The following SYNE2 variants were observed in gnomAD, a reference collection of about 807,000 sequenced individuals.
SYNE2 encodes nesprin-2.
A neutral mutation model predicts 856.3 loss-of-function variants in SYNE2; 431 were observed. The observed-to-expected ratio is 0.50, with a 90% CI of 0.47 to 0.55. The LOEUF (loss-of-function observed/expected upper bound fraction) is 0.55. Among genes scored for constraint, SYNE2 ranks in the 20% least tolerant of loss-of-function variants. The pLI is 0.00. For missense variants in SYNE2, 8,129 were observed against 8,023.2 expected (o/e 1.01, Z -0.50); for synonymous variants, 2,923 against 2,872.3 (o/e 1.02, Z -0.56).
intron 105 of SYNE2, 86 bp downstream of exon 105, chr14:64,213,091 T>TCACGCC: frequency 7.4e-7 from 1 of 1,356,976 alleles, no homozygotes; most frequent in Non-Finnish European, 1.0e-6. Context: ...GGGACCTGTC[T>TCACGCC]TATAATGGTT....
intron 2 of SYNE2, among the ~76,000 whole-genome samples, chr14:63,924,857 T>TTTTTTTTTTTTTTTTTTTTTTTTTTTC (rs2095644618): frequency 7.4e-6 from 1 of 135,792 alleles, no homozygotes; most frequent in Non-Finnish European, 1.6e-5. Flanking sequence ...TTTTTTTTTT[T>TTTTTTTTTTTTTTTTTTTTTTTTTTTC]TTTTTTGCCT....
intron 1 of SYNE2, among the ~76,000 whole-genome samples, chr14:63,882,269 G>C (rs2094882241): frequency 6.6e-6 from 1 of 152,110 alleles, no homozygotes. Flanking sequence ...TTCCATTTAT[G>C]GTTTTAATTA....
chr14:63,938,288 C>G (rs2095857635), intron 2 of SYNE2, among the ~76,000 whole-genome samples: 1 of 152,026 alleles, frequency 6.6e-6, no homozygotes, highest in Non-Finnish European at 1.5e-5. Context: ...ACACCCATCT[C>G]TACAAAAAAT....
intron 2 of SYNE2, among the ~76,000 whole-genome samples, chr14:63,936,163 G>A (rs369612356): frequency 4.6e-5 from 7 of 152,132 alleles, no homozygotes; most frequent in African/African-American, 7.2e-5. Context: ...GTGAGCCACC[G>A]TGCCCAGCCC....
intron 1 of SYNE2, among the ~76,000 whole-genome samples, chr14:63,863,166 A>T (rs534961527): frequency 6.6e-6 from 1 of 152,170 alleles, no homozygotes. Flanking sequence ...ATGTTGCCTC[A>T]TTTGGAAAGA....
At chr14:63,944,752 C>T (rs1210106494) in intron 6 of SYNE2, among the ~76,000 whole-genome samples, 1 of 149,206 alleles carries the variant, frequency 6.7e-6, no homozygotes. Context: ...AACTCCTGAC[C>T]TCATGATCTT....
At chr14:63,892,750 G>A (rs976025450) in intron 1 of SYNE2, among the ~76,000 whole-genome samples, 1 of 103,744 alleles carries the variant, frequency 9.6e-6, no homozygotes, top group Non-Finnish European at 2.0e-5. Context: ...TTTTTTTGTT[G>A]TAGAGACAGG....
chr14:64,146,247 C>T (rs780883583), intron 84 of SYNE2, 24 bp downstream of exon 84: 9 of 1,589,552 alleles, frequency 5.7e-6, no homozygotes, highest in African/African-American at 1.4e-5. Context: ...CAGCATCCCA[C>T]CCAACCCGCG....
chr14:63,915,633 A>G (rs562499321), intron 2 of SYNE2, among the ~76,000 whole-genome samples: 111 of 152,264 alleles, frequency 7.3e-4, no homozygotes, highest in African/African-American at 2.6e-3. Context: ...AACCTCTATA[A>G]AATCATTCAG....
In SYNE2 at chr14:64,017,589, T is replaced by C; in HGVS notation, c.4888-6T>C. ...ATATGTTGTTTCTCTTTTTAAATTA[T>C]GGTAGATAAATGAGAAGACAGAAGA... On this transcript the variant is annotated splice_region_variant and splice_polypyrimidine_tract_variant and intron_variant, in intron 33 of 115. Transcript: ENST00000555002. The C allele has an allele frequency of 1.9e-6, 3 of 1,607,310 alleles. No homozygotes were observed. The highest frequency in any genetic ancestry group is 1.9e-4 in the Middle Eastern group (1 of 5,288).
At chr14:63,997,540 T>G (rs2096722834) in intron 25 of SYNE2, 149 bp downstream of exon 25, 7 of 750,518 alleles carry the variant, frequency 9.3e-6, no homozygotes, top group African/African-American at 1.7e-5. Flanking sequence ...TGCAAAAGAC[T>G]GATTTTCAAA....
intron 1 of SYNE2, among the ~76,000 whole-genome samples, chr14:63,876,833 C>T (rs1456383436): frequency 2.6e-5 from 4 of 151,986 alleles, no homozygotes; most frequent in African/African-American, 4.8e-5. Flanking sequence ...TCAAATAAAC[C>T]GAGAGAATAC....
At chr14:64,189,108 T>C (rs1022772613) in intron 98 of SYNE2, 2 of 634,880 alleles carry the variant, frequency 3.2e-6, no homozygotes, top group Non-Finnish European at 5.6e-6. Context: ...CCAAGGCGGG[T>C]GGATCACCTG....
Position 64,208,953 on chromosome 14 carries a change from C to T in SYNE2, c.18389+8C>T, listed in dbSNP as rs748398363. ...CATGGAGCGGCGCATGAAGTAAGAA[C>T]TAAGCTCCCCCAAATGCCTTCAGCG... On this transcript the variant is annotated splice_region_variant and intron_variant, in intron 101 of 115. Coordinates refer to ENST00000555002, the MANE Select transcript of SYNE2 (RefSeq NM_182914.3). 1.9e-6 allele frequency: 3 copies of T among 1,613,404 alleles called. No homozygotes were observed. The highest frequency in any genetic ancestry group is 2.5e-6 in the Non-Finnish European group (3 of 1,179,826).
At chr14:63,801,441 G>T (rs1205999297) in intron 1 of SYNE2, among the ~76,000 whole-genome samples, 2 of 152,126 alleles carry the variant, frequency 1.3e-5, no homozygotes, top group African/African-American at 4.8e-5. Flanking sequence ...GAAGGCTGAG[G>T]CAGGCAGATC....
rs539057049 is a variant in SYNE2 at position 64,107,167 on chromosome 14, T to C, written c.12493-324T>C. Among the ~76,000 whole-genome samples, 3 of 152,298 alleles carry C rather than the reference T, an allele frequency of 2.0e-5. No homozygotes were observed. The East Asian group carries it at 5.8e-4, about 29-fold the overall frequency. On this transcript the variant is annotated intron_variant, in intron 64 of 115. Transcript: ENST00000555002. ...ATCACACCTGGCCATGTAATTTAAA[T>C]TTTCATAAGGACATACTTTTAAAGA...
chr14:64,015,990 A>T (rs2096889300), intron 32 of SYNE2, among the ~76,000 whole-genome samples: 1 of 152,088 alleles, frequency 6.6e-6, no homozygotes, highest in African/African-American at 2.4e-5. Flanking sequence ...TTTCGTTTTG[A>T]TAAAGTAGCA....
intron 1 of SYNE2, among the ~76,000 whole-genome samples, chr14:63,860,498 A>C (rs936791820): frequency 1.1e-4 from 17 of 152,236 alleles, no homozygotes; most frequent in African/African-American, 3.9e-4. Context: ...CCTCAGGTCA[A>C]AGTAACACAT....
chr14:63,992,013 T>C (rs1185584374), intron 21 of SYNE2, among the ~76,000 whole-genome samples: 1 of 152,094 alleles, frequency 6.6e-6, no homozygotes, highest in Non-Finnish European at 1.5e-5. Flanking sequence ...TTGTCAGTCA[T>C]TTCAGCATTG....
Sources: gnomAD v4.1 joint callset for allele counts (sites outside exome capture counted in the v4.1 genomes callset) on GRCh38, gnomAD v4.1.1 for gene constraint, MANE v1.5 for transcripts, NCBI Gene and HGNC (gene_info 2026-07-23, HGNC 2026-07-21) for gene names.